Variants in AGPAT4 observed in about 807,000 individuals in gnomAD.
AGPAT4 encodes the protein 1-acylglycerol-3-phosphate O-acyltransferase 4, also known as 1-acyl-sn-glycerol-3-phosphate acyltransferase delta.
Under a neutral mutation model 48.0 loss-of-function variants are expected in AGPAT4, and 15 were observed. The observed-to-expected ratio is 0.31, with a 90% CI of 0.21 to 0.48. The LOEUF is 0.48. Among genes scored for constraint, AGPAT4 ranks in the 20% least tolerant of loss-of-function variants. The probability of loss-of-function intolerance (pLI) is 0.99; values close to 1 mark genes in which losing one functional copy is unlikely to be tolerated. For missense variants in AGPAT4, 314 were observed against 482.5 expected, an observed-to-expected ratio of 0.65 and a Z score of 3.27; for synonymous variants, 178 against 198.7, an observed-to-expected ratio of 0.90 and a Z score of 0.88.
At position 161,244,122 on chromosome 6, in the gene AGPAT4, T is replaced by G. The variant is rs1201588659; in HGVS notation, c.-89-11820A>C. ...TGAGAAGACCAAGACCCTCATCACTTTGGTGCTCTCTGAATGTACCTGTGT... is the reference window on the plus strand; with the variant it reads ...TGAGAAGACCAAGACCCTCATCACTGTGGTGCTCTCTGAATGTACCTGTGT... On this transcript the variant is annotated intron_variant, in intron 1 of 8. Transcript: ENST00000320285. The surrounding 1 kb of genome is among the most constrained non-coding windows in gnomAD (Gnocchi z 4.7). Among the ~76,000 whole-genome samples, 4 of 152,202 alleles carry G rather than the reference T, an allele frequency of 2.6e-5. No homozygotes were observed. The highest frequency in any genetic ancestry group is 9.7e-5 in the African/African-American group (4 of 41,450).
In AGPAT4 at chr6:161,137,184, C is replaced by T. The variant is rs1039097239; in HGVS notation, c.1043-550G>A. On this transcript the variant is annotated intron_variant, in intron 8 of 8. Transcript: ENST00000320285. This position sits in a 1 kb window ranked among gnomAD's most constrained non-coding sequence, Gnocchi z 6.1. Reference sequence around the variant, plus strand: ...AGAATGGGCAGGACCCTCGTGGGAGCCCAGTTTAATATAGGAAGCTGGAAA... The same window carrying T: ...AGAATGGGCAGGACCCTCGTGGGAGTCCAGTTTAATATAGGAAGCTGGAAA... Among the ~76,000 whole-genome samples the T allele has an allele frequency of 6.6e-6, 1 of 152,136 alleles. No homozygotes were observed. The highest frequency in any genetic ancestry group is 2.4e-5 in the African/African-American group (1 of 41,430).
Position 161,184,558 on chromosome 6 carries a change from C to G in AGPAT4, c.179-18141G>C, listed in dbSNP as rs1234699351. 6.6e-6 allele frequency among the ~76,000 whole-genome samples: 1 copy of G among 151,930 alleles called. No individual in the cohort carries two copies. Among genetic ancestry groups the G allele is most frequent in the Non-Finnish European group, 1.5e-5 (1 of 67,976 alleles). On this transcript the variant is annotated intron_variant, in intron 2 of 8. Coordinates refer to ENST00000320285, the MANE Select transcript of AGPAT4 (RefSeq NM_020133.3). The surrounding 1 kb of genome is among the most constrained non-coding windows in gnomAD (Gnocchi z 4.8). ...CTGTGTAGCCCTGGCCTCCCCTGGC[C>G]CTGCCCCGGACCCCCCATTCCCACC...
rs970792505 is a variant in AGPAT4 at position 161,266,861 on chromosome 6, C to T, written c.-90+7077G>A. Among the ~76,000 whole-genome samples, 9 of 152,330 alleles carry T rather than the reference C, an allele frequency of 5.9e-5. No individual in the cohort carries two copies. In the East Asian group the frequency reaches 1.4e-3, roughly 23 times the overall value. On this transcript the variant is annotated intron_variant, in intron 1 of 8. Coordinates refer to ENST00000320285, the MANE Select transcript of AGPAT4 (RefSeq NM_020133.3). The surrounding 1 kb of genome is among the most constrained non-coding windows in gnomAD (Gnocchi z 6.2). ...CTACCCACAGAAGACTGACAGCTCA[C>T]GAGGAGCCCATGGAGATGGGCAAGA...
At position 161,161,267 on chromosome 6, in the gene AGPAT4, C is replaced by T; in HGVS notation, c.348+4981G>A. ...GACTTTTACAGATGAGCATGCGCTC[C>T]CACCTCCAGGATGGTAGTCGGTATG... On this transcript the variant is annotated intron_variant, in intron 3 of 8. Transcript: ENST00000320285. The surrounding 1 kb of genome is among the most constrained non-coding windows in gnomAD (Gnocchi z 4.6). 2.2e-6 allele frequency: 1 copy of T among 456,738 alleles called. No individual in the cohort carries two copies. Among genetic ancestry groups the T allele is most frequent in the Non-Finnish European group, 4.4e-6 (1 of 226,970 alleles). 28.3% of individuals were successfully genotyped at this position (456,738 alleles called of 1,614,324 possible).
chr6:161,243,054 C>T lies in AGPAT4; in HGVS notation c.-89-10752G>A, dbSNP rs1782538737. Among the ~76,000 whole-genome samples the T allele has an allele frequency of 6.6e-6, 1 of 152,002 alleles. No homozygotes were observed. Among genetic ancestry groups the T allele is most frequent in the East Asian group, 1.9e-4 (1 of 5,180 alleles). ...CTCCAGCTTGGGCGACAGAGCCAGA[C>T]TCTGTCTCAAAAAAATTTTTTTTTA... is the stretch of plus-strand genomic sequence containing the variant. On this transcript the variant is annotated intron_variant, in intron 1 of 8. Transcript: ENST00000320285. This position sits in a 1 kb window ranked among gnomAD's most constrained non-coding sequence, Gnocchi z 4.8.
At chr6:161,192,088 TCTCGCC>T in intron 2 of AGPAT4, among the ~76,000 whole-genome samples, 1 of 150,652 alleles carries the variant, frequency 6.6e-6, no homozygotes, top group Non-Finnish European at 1.5e-5. Flanking sequence ...CTCTCTTCCT[TCTCGCC>T]TTCTTTTGCA....
Position 161,216,406 on chromosome 6 carries a change from T to C in AGPAT4, c.178+15630A>G, listed in dbSNP as rs1340210700. 6.6e-6 allele frequency among the ~76,000 whole-genome samples: 1 copy of C among 152,158 alleles called. No homozygotes were observed. Among genetic ancestry groups the C allele is most frequent in the African/African-American group, 2.4e-5 (1 of 41,430 alleles). Reference sequence around the variant, plus strand: ...CAACCTCTGCAACTGCCTTCTACAATCTTCAGGCTCACTCTCCTCAGGACA... The same window carrying C: ...CAACCTCTGCAACTGCCTTCTACAACCTTCAGGCTCACTCTCCTCAGGACA... On this transcript the variant is annotated intron_variant, in intron 2 of 8. Coordinates refer to ENST00000320285, the MANE Select transcript of AGPAT4 (RefSeq NM_020133.3). The surrounding 1 kb of genome is among the most constrained non-coding windows in gnomAD (Gnocchi z 4.8).
Position 161,212,951 on chromosome 6 carries a change from G to C in AGPAT4, c.178+19085C>G, listed in dbSNP as rs1781556442. Among the ~76,000 whole-genome samples the C allele has an allele frequency of 6.6e-6, 1 of 152,170 alleles. No homozygotes were observed. Among genetic ancestry groups the C allele is most frequent in the Non-Finnish European group, 1.5e-5 (1 of 68,046 alleles). On this transcript the variant is annotated intron_variant, in intron 2 of 8. Coordinates refer to ENST00000320285, the MANE Select transcript of AGPAT4 (RefSeq NM_020133.3). This position sits in a 1 kb window ranked among gnomAD's most constrained non-coding sequence, Gnocchi z 6.1. ...TTTTACCAAGACTTTGACTGTAATG[G>C]TGTGCTTTCCTTTAAGGAATCAAAC...
rs1193011880 is a variant in AGPAT4 at position 161,245,292 on chromosome 6, G to A, written c.-89-12990C>T. Reference sequence around the variant, plus strand: ...AACAGGACGTACTGACATACACGCCGGCCCCACAGGGGTGATGGGAGACTT... The same window carrying A: ...AACAGGACGTACTGACATACACGCCAGCCCCACAGGGGTGATGGGAGACTT... On this transcript the variant is annotated intron_variant, in intron 1 of 8. Coordinates refer to ENST00000320285, the MANE Select transcript of AGPAT4 (RefSeq NM_020133.3). The surrounding 1 kb of genome is among the most constrained non-coding windows in gnomAD (Gnocchi z 5.2). Among the ~76,000 whole-genome samples the A allele has an allele frequency of 2.0e-5, 3 of 152,202 alleles. No individual in the cohort carries two copies. Among genetic ancestry groups the A allele is most frequent in the Admixed American group, 6.5e-5 (1 of 15,290 alleles).
In AGPAT4 at chr6:161,131,052, A is replaced by G; in HGVS notation, c.*5488T>C. Reference sequence around the variant, plus strand: ...TTATGCAGCAATCTTAACTTTGTGTACATACCACTCACCTCCCTTAAAATT... The same window carrying G: ...TTATGCAGCAATCTTAACTTTGTGTGCATACCACTCACCTCCCTTAAAATT... On this transcript the variant is annotated 3_prime_UTR_variant, in exon 9 of 9. Coordinates refer to ENST00000320285, the MANE Select transcript of AGPAT4 (RefSeq NM_020133.3). 1 of 343,886 alleles carries G rather than the reference A, an allele frequency of 2.9e-6. No individual in the cohort carries two copies. The highest frequency in any genetic ancestry group is 7.4e-5 in the East Asian group (1 of 13,576). 21.3% of individuals were successfully genotyped at this position (343,886 alleles called of 1,614,324 possible). A position where few individuals can be genotyped will look rare whatever the true frequency, so the allele number is the denominator to read the frequency against.
chr6:161,139,997 G>A lies in AGPAT4; in HGVS notation c.844-377C>T, dbSNP rs376754348. ...GCAGCAGTGCCTTCCACGATAGGTC[G>A]GCGGGAGAATGGAGTGGATGCTGCG... On this transcript the variant is annotated intron_variant, in intron 7 of 8. Coordinates refer to ENST00000320285, the MANE Select transcript of AGPAT4 (RefSeq NM_020133.3). This position sits in a 1 kb window ranked among gnomAD's most constrained non-coding sequence, Gnocchi z 9.1. 3.9e-5 allele frequency among the ~76,000 whole-genome samples: 6 copies of A among 152,340 alleles called. No individual in the cohort carries two copies. In the East Asian group the frequency reaches 7.7e-4, roughly 20 times the overall value.
In AGPAT4 at chr6:161,138,634, A is replaced by T. The variant is rs1779154532; in HGVS notation, c.1042+788T>A. On this transcript the variant is annotated intron_variant, in intron 8 of 8. Coordinates refer to ENST00000320285, the MANE Select transcript of AGPAT4 (RefSeq NM_020133.3). The surrounding 1 kb of genome is among the most constrained non-coding windows in gnomAD (Gnocchi z 4.8). ...TGAGCATACTGCATCTTTGTGTTTG[A>T]CAGAAAATAACTGAGTCCTGTCCAT... 6.6e-6 allele frequency among the ~76,000 whole-genome samples: 1 copy of T among 152,084 alleles called. No homozygotes were observed. The highest frequency in any genetic ancestry group is 2.4e-5 in the African/African-American group (1 of 41,398).
chr6:161,190,173 C>T (rs557382118), intron 2 of AGPAT4, among the ~76,000 whole-genome samples: 16 of 152,276 alleles, frequency 1.1e-4, no homozygotes, highest in Non-Finnish European at 2.1e-4. Flanking sequence ...ATGGCAGTGA[C>T]GCTCTGCTGC....
Position 161,272,857 on chromosome 6 carries a change from GA to G in AGPAT4, c.-90+1080del, listed in dbSNP as rs1206219334. On this transcript the variant is annotated intron_variant, in intron 1 of 8. Transcript: ENST00000320285. This position sits in a 1 kb window ranked among gnomAD's most constrained non-coding sequence, Gnocchi z 4.2. ...TAGCAACCCTCACCTTGAAGAGAGTGAATAGCGTGGCTAATCCATCTAAGAA... is the reference window on the plus strand; with the variant it reads ...TAGCAACCCTCACCTTGAAGAGAGTGATAGCGTGGCTAATCCATCTAAGAA... 6.6e-6 allele frequency among the ~76,000 whole-genome samples: 1 copy of G among 152,172 alleles called. No homozygotes were observed. The highest frequency in any genetic ancestry group is 1.9e-4 in the East Asian group (1 of 5,192).
At chr6:161,271,149 C>A (rs1270242814) in intron 1 of AGPAT4, among the ~76,000 whole-genome samples, 1 of 152,204 alleles carries the variant, frequency 6.6e-6, no homozygotes, top group Non-Finnish European at 1.5e-5. Context: ...TCAACCAGCA[C>A]AGAGTATACC....
At chr6:161,175,390 T>C (rs961050929) in intron 2 of AGPAT4, among the ~76,000 whole-genome samples, 2 of 152,100 alleles carry the variant, frequency 1.3e-5, no homozygotes, top group African/African-American at 4.8e-5. Flanking sequence ...GGTGTATGTG[T>C]CCAGGAATTC....
At chr6:161,173,524 A>G (rs1780340118) in intron 2 of AGPAT4, among the ~76,000 whole-genome samples, 1 of 151,996 alleles carries the variant, frequency 6.6e-6, no homozygotes, top group Non-Finnish European at 1.5e-5. Flanking sequence ...GTTTAAGTTC[A>G]TTGTAGATTC....
chr6:161,267,815 G>A lies in AGPAT4; in HGVS notation c.-90+6123C>T, dbSNP rs765614009. ...GGAAGCTGAAGCGGGAGGATTGCTT[G>A]AGCCCAGGAATTCAAGGCCAGCTTG... On this transcript the variant is annotated intron_variant, in intron 1 of 8. Coordinates refer to ENST00000320285, the MANE Select transcript of AGPAT4 (RefSeq NM_020133.3). This position sits in a 1 kb window ranked among gnomAD's most constrained non-coding sequence, Gnocchi z 5.2. Among the ~76,000 whole-genome samples the A allele has an allele frequency of 1.3e-5, 2 of 152,166 alleles. No homozygotes were observed. The highest frequency in any genetic ancestry group is 1.5e-5 in the Non-Finnish European group (1 of 68,030).
At chr6:161,153,593 T>C in intron 4 of AGPAT4, 94 bp from the exon 5 acceptor site, 3 of 1,426,992 alleles carry the variant, frequency 2.1e-6, no homozygotes, top group Non-Finnish European at 2.9e-6. Flanking sequence ...AGCCCCAGGG[T>C]CACATATGGC....
Sources: gnomAD v4.1 joint callset for allele counts (sites outside exome capture counted in the v4.1 genomes callset) on GRCh38, gnomAD v4.1.1 for gene constraint, Gnocchi (gnomAD v3.1) non-coding constraint, MANE v1.5 for transcripts, NCBI Gene and HGNC (gene_info 2026-07-23, HGNC 2026-07-21) for gene names.